Variants in MMP26 observed in about 807,000 individuals in gnomAD.
MMP26 encodes the protein matrix metallopeptidase 26.
Under a neutral mutation model 31.0 loss-of-function variants are expected in MMP26, and 33 were observed. That is an observed-to-expected ratio of 1.06 (90% confidence interval 0.81 to 1.42). The LOEUF is 1.42. Ranked by LOEUF, MMP26 falls within the 40% of genes most tolerant of loss-of-function variation. The probability of loss-of-function intolerance (pLI) is 0.00; values close to 1 mark genes in which losing one functional copy is unlikely to be tolerated. For synonymous variants in MMP26, 122 were observed against 114.9 expected (o/e 1.06, Z -0.40); for missense variants, 347 against 316.1 (o/e 1.10, Z -0.74).
intron 2 of MMP26, among the ~76,000 whole-genome samples, chr11:4,985,885 C>T (rs1846878271): frequency 1.3e-5 from 2 of 152,296 alleles, no homozygotes; most frequent in South Asian, 2.1e-4. Flanking sequence ...CAACAATCCC[C>T]TCCATGACAG....
In MMP26 at chr11:4,808,799, C is replaced by T. The variant is rs536676544; in HGVS notation, c.-145+41458C>T. On this transcript the variant is annotated intron_variant, in intron 2 of 7. Coordinates refer to ENST00000380390, the MANE Select transcript of MMP26 (RefSeq NM_021801.5). Reference sequence around the variant, plus strand: ...GGTGGACAATGGAGGAGCAGGGCTGCCCTGGTATCCAAGACTGAATTGAGA... The same window carrying T: ...GGTGGACAATGGAGGAGCAGGGCTGTCCTGGTATCCAAGACTGAATTGAGA... Among the ~76,000 whole-genome samples, 18 of 150,392 alleles carry T rather than the reference C, an allele frequency of 1.2e-4. 1 individual carries two copies. The South Asian group carries it at 3.4e-3, about 29-fold the overall frequency.
intron 1 of MMP26, among the ~76,000 whole-genome samples, chr11:4,708,533 G>A (rs750980187): frequency 3.3e-5 from 5 of 152,076 alleles, no homozygotes; most frequent in Admixed American, 6.6e-5. Context: ...AACACTGTAG[G>A]TATTTAATTT....
chr11:4,945,628 GAA>G (rs1393773374), intron 2 of MMP26: 4 of 159,544 alleles, frequency 2.5e-5, no homozygotes, highest in Non-Finnish European at 4.2e-5. Context: ...GGGCAAGAGT[GAA>G]AGAGGCAGGA....
At chr11:4,769,285 T>C (rs1251593304) in intron 2 of MMP26, 11 of 1,613,758 alleles carry the variant, frequency 6.8e-6, no homozygotes, top group Non-Finnish European at 9.3e-6. Flanking sequence ...ATGGTGTATC[T>C]ATTCCAGTGG....
intron 2 of MMP26, among the ~76,000 whole-genome samples, chr11:4,815,417 C>G (rs1233554322): frequency 6.6e-6 from 1 of 152,114 alleles, no homozygotes; most frequent in Non-Finnish European, 1.5e-5. Context: ...AGGTATGTAG[C>G]TTTTTATACT....
At chr11:4,953,047 G>A (rs1846389442) in intron 2 of MMP26, among the ~76,000 whole-genome samples, 1 of 125,178 alleles carries the variant, frequency 8.0e-6, no homozygotes, top group East Asian at 2.3e-4. Flanking sequence ...CAATATGCAA[G>A]ATTTTGAGGT....
intron 2 of MMP26, chr11:4,944,009 G>T (rs2570581): frequency 0.84 from 353,271 of 419,130 alleles, 149,380 homozygotes; most frequent in Admixed American, 0.9. Context: ...CTGCCTATCC[G>T]CACACTGGGA....
At position 4,928,038 on chromosome 11, in the gene MMP26, C is replaced by T. The variant is rs966919746; in HGVS notation, c.-144-60030C>T. ...CCAGGCCTGAAGACCAGTATTGTGG[C>T]GTGTGGGGAGAGGGTCGAGGGGGGA... On this transcript the variant is annotated intron_variant, in intron 2 of 7. Coordinates refer to ENST00000380390, the MANE Select transcript of MMP26 (RefSeq NM_021801.5). 4.1e-5 allele frequency among the ~76,000 whole-genome samples: 6 copies of T among 148,090 alleles called. No homozygotes were observed. The South Asian group carries it at 7.4e-4, about 18-fold the overall frequency.
Position 4,750,062 on chromosome 11 carries a change from G to A in MMP26, c.-216-17208G>A, listed in dbSNP as rs576339299. Among the ~76,000 whole-genome samples the A allele has an allele frequency of 3.3e-5, 5 of 151,950 alleles. No individual in the cohort carries two copies. The South Asian group carries it at 8.3e-4, about 25-fold the overall frequency. On this transcript the variant is annotated intron_variant, in intron 1 of 7. Transcript: ENST00000380390. ...CAAATGACTAATATTCAGAATCTAC[G>A]AGGAATTCAAACATCTCAACAACAA...
At chr11:4,880,474 A>G (rs376489206) in intron 2 of MMP26, among the ~76,000 whole-genome samples, 1 of 152,036 alleles carries the variant, frequency 6.6e-6, no homozygotes. Flanking sequence ...TGGGAGAGAG[A>G]AGACAGGAGG....
At chr11:4,942,662 G>C (rs1846231248) in intron 2 of MMP26, among the ~76,000 whole-genome samples, 1 of 151,992 alleles carries the variant, frequency 6.6e-6, no homozygotes, top group Non-Finnish European at 1.5e-5. Context: ...TTGTGTTTAA[G>C]TGTGTTTTTA....
rs1848040206 is a variant in MMP26 at position 4,723,165 on chromosome 11, G to A, written c.-217+18120G>A. ...GCATCCTTAATGGCCAGCTCCCCAC[G>A]CTGCTCGGCATCTGCGATGGCGGCC... On this transcript the variant is annotated intron_variant, in intron 1 of 7. Transcript: ENST00000380390. 8.1e-6 allele frequency: 13 copies of A among 1,597,272 alleles called. No individual in the cohort carries two copies. The South Asian group carries it at 1.4e-4, about 18-fold the overall frequency.
At chr11:4,835,328 G>A (rs1022686273) in intron 2 of MMP26, among the ~76,000 whole-genome samples, 20 of 151,848 alleles carry the variant, frequency 1.3e-4, no homozygotes, top group Admixed American at 1.1e-3. Flanking sequence ...GGCTTTTCCC[G>A]ATCTGCAGTT....
intron 2 of MMP26, among the ~76,000 whole-genome samples, chr11:4,800,225 A>G (rs968252018): frequency 6.6e-6 from 1 of 152,132 alleles, no homozygotes; most frequent in Non-Finnish European, 1.5e-5. Context: ...CTGCCTAGGC[A>G]CTCAGGCTTT....
At chr11:4,804,323 T>C in intron 2 of MMP26, 2 of 1,614,082 alleles carry the variant, frequency 1.2e-6, no homozygotes. Context: ...AGGCCTGGGA[T>C]TCCAAGCAGG....
At chr11:4,804,726 C>T (rs557195959) in intron 2 of MMP26, 1 of 382,294 alleles carries the variant, frequency 2.6e-6, no homozygotes, top group East Asian at 6.8e-5. Flanking sequence ...AGGCAGATTG[C>T]TTGAGGTCAG....
chr11:4,992,382 A>G lies in MMP26; in HGVS notation c.*140A>G. 1.4e-6 allele frequency: 1 copy of G among 709,834 alleles called. No individual in the cohort carries two copies. The highest frequency in any genetic ancestry group is 2.4e-6 in the Non-Finnish European group (1 of 420,750). The allele number at this position is 709,834 out of a possible 1,614,324, so 44.0% of individuals were successfully genotyped here. On this transcript the variant is annotated 3_prime_UTR_variant, in exon 8 of 8. Transcript: ENST00000380390. ...CAACCTAGTCAGGTTAGCTGAACCG[A>G]CACTCAAAACGCTACTGAGTCACAA...
At chr11:4,988,900 C>T (rs150811527) in intron 3 of MMP26, among the ~76,000 whole-genome samples, 100 of 152,144 alleles carry the variant, frequency 6.6e-4, no homozygotes, top group African/African-American at 2.2e-3. Flanking sequence ...TCTTAGTGCC[C>T]AGCTCAGCTG....
intron 2 of MMP26, chr11:4,804,080 G>T: frequency 1.2e-6 from 2 of 1,614,134 alleles, no homozygotes; most frequent in Non-Finnish European, 1.7e-6. Context: ...ACCTGGATGA[G>T]GCAGGCATGG....
Sources: allele counts gnomAD v4.1 joint callset (sites outside exome capture counted in the v4.1 genomes callset), GRCh38; gene constraint gnomAD v4.1.1; transcripts MANE v1.5; gene names NCBI Gene and HGNC (gene_info 2026-07-23, HGNC 2026-07-21).